The following ATF2 variants were observed in gnomAD, a reference collection of about 807,000 sequenced individuals.
ATF2 encodes the protein cyclic AMP-dependent transcription factor ATF-2.
A neutral mutation model predicts 60.6 loss-of-function variants in ATF2; 24 were observed. The ratio of observed to expected loss-of-function variants is 0.40; its 90% CI spans 0.29 to 0.56. ATF2 has a LOEUF of 0.56. Among genes scored for constraint, ATF2 ranks in the 20% least tolerant of loss-of-function variants. The probability of loss-of-function intolerance (pLI) is 0.54; values close to 1 mark genes in which losing one functional copy is unlikely to be tolerated. For synonymous variants in ATF2, 206 were observed against 215.4 expected (o/e 0.96, Z 0.38); for missense variants, 433 against 607.7 (o/e 0.71, Z 3.02).
At chr2:175,091,450 A>T (rs1414849379) in intron 12 of ATF2, among the ~76,000 whole-genome samples, 4 of 152,184 alleles carry the variant, frequency 2.6e-5, no homozygotes, top group African/African-American at 7.2e-5. Flanking sequence ...ATTCTAACAG[A>T]CTTGATATAA....
chr2:175,145,408 C>T (rs534231867), intron 2 of ATF2, among the ~76,000 whole-genome samples: 1 of 152,286 alleles, frequency 6.6e-6, no homozygotes, highest in South Asian at 2.1e-4. Flanking sequence ...TCTCTTCCTG[C>T]TCCTGCTCTC....
At chr2:175,144,713 C>T (rs956016082) in intron 2 of ATF2, among the ~76,000 whole-genome samples, 1 of 152,028 alleles carries the variant, frequency 6.6e-6, no homozygotes, top group Admixed American at 6.6e-5. Flanking sequence ...GGTGGTCAGC[C>T]CTGCATTTAA....
intron 13 of ATF2, among the ~76,000 whole-genome samples, chr2:175,075,383 A>C (rs574238999): frequency 1.4e-3 from 216 of 152,314 alleles, no homozygotes; most frequent in Non-Finnish European, 2.3e-3. Context: ...CATACATAGG[A>C]GAACAAGCAG....
intron 13 of ATF2, among the ~76,000 whole-genome samples, chr2:175,079,628 T>C (rs1374874087): frequency 6.6e-6 from 1 of 152,170 alleles, no homozygotes; most frequent in African/African-American, 2.4e-5. Context: ...CTACGGAATC[T>C]TTTAAATTAA....
At chr2:175,114,568 C>T (rs212341) in intron 8 of ATF2, 122 bp downstream of exon 8, 120,929 of 1,414,020 alleles carry the variant, frequency 0.086, 5,534 homozygotes, top group Middle Eastern at 0.17. Flanking sequence ...TTCCAAAATT[C>T]GAAGCATGCA....
At chr2:175,124,669 G>GCA (rs1205471121) in intron 4 of ATF2, among the ~76,000 whole-genome samples, 2 of 151,064 alleles carry the variant, frequency 1.3e-5, no homozygotes, top group African/African-American at 4.9e-5. Flanking sequence ...TCTCTCTCAT[G>GCA]CACACACACG....
At chr2:175,077,357 T>C (rs212355) in intron 13 of ATF2, among the ~76,000 whole-genome samples, 39,651 of 152,076 alleles carry the variant, frequency 0.26, 6,108 homozygotes, top group African/African-American at 0.44. Flanking sequence ...GTTCAAGATC[T>C]CTGAGGAATC....
chr2:175,129,620 T>C (rs563618526), intron 4 of ATF2, among the ~76,000 whole-genome samples: 1 of 152,038 alleles, frequency 6.6e-6, no homozygotes, highest in East Asian at 1.9e-4. Context: ...ATAATAGGAA[T>C]AGATTAATAA....
Position 175,077,529 on chromosome 2 carries a change from C to T in ATF2, c.1292-2694G>A, listed in dbSNP as rs117672194. On this transcript the variant is annotated intron_variant, in intron 13 of 13. Coordinates refer to ENST00000264110, the MANE Select transcript of ATF2 (RefSeq NM_001880.4). ...ATTCTTTAAAAGAACAACAGGCTGACGTTTCCCTGAATGTTGAGTTCAAGG... is the reference window on the plus strand; with the variant it reads ...ATTCTTTAAAAGAACAACAGGCTGATGTTTCCCTGAATGTTGAGTTCAAGG... Among the ~76,000 whole-genome samples the T allele has an allele frequency of 6.3e-4, 96 of 152,268 alleles. 1 individual carries two copies. In the South Asian group the frequency reaches 0.011, roughly 17 times the overall value.
At chr2:175,108,556 T>TG (rs1009684157) in intron 10 of ATF2, among the ~76,000 whole-genome samples, 3 of 127,108 alleles carry the variant, frequency 2.4e-5, no homozygotes, top group Admixed American at 1.5e-4. Flanking sequence ...GGGAGGGAGG[T>TG]GGGGGGCGCC....
At chr2:175,097,625 T>G (rs1695020705) in intron 10 of ATF2, 32 bp from the exon 11 acceptor site, 3 of 1,609,828 alleles carry the variant, frequency 1.9e-6, no homozygotes, top group Non-Finnish European at 2.5e-6. Flanking sequence ...AAATTTTTTT[T>G]AAGTCCTTAA....
At chr2:175,113,287 C>G (rs1696328458) in intron 9 of ATF2, among the ~76,000 whole-genome samples, 1 of 138,174 alleles carries the variant, frequency 7.2e-6, no homozygotes, top group Non-Finnish European at 1.6e-5. Context: ...TTTTTTTTGA[C>G]TTGGGGTCTT....
chr2:175,133,149 T>C lies in ATF2; in HGVS notation c.33-2942A>G, dbSNP rs1697867280. Among the ~76,000 whole-genome samples, 4 of 151,662 alleles carry C rather than the reference T, an allele frequency of 2.6e-5. No homozygotes were observed. In the South Asian group the frequency reaches 8.4e-4, roughly 32 times the overall value. Reference sequence around the variant, plus strand: ...AGTGCTTTTATGTATGTGTAGAAACTGAAAAATCTGTAACAAAATGCAAAA... The same window carrying C: ...AGTGCTTTTATGTATGTGTAGAAACCGAAAAATCTGTAACAAAATGCAAAA... On this transcript the variant is annotated intron_variant, in intron 3 of 13. Coordinates refer to ENST00000264110, the MANE Select transcript of ATF2 (RefSeq NM_001880.4).
At chr2:175,098,850 T>A (rs1279710261) in intron 10 of ATF2, among the ~76,000 whole-genome samples, 1 of 152,144 alleles carries the variant, frequency 6.6e-6, no homozygotes, top group Non-Finnish European at 1.5e-5. Flanking sequence ...GCCTATCTTC[T>A]TACTGTCTAT....
At chr2:175,121,994 G>A (rs1350314070) in intron 4 of ATF2, among the ~76,000 whole-genome samples, 1 of 151,632 alleles carries the variant, frequency 6.6e-6, no homozygotes, top group Non-Finnish European at 1.5e-5. Context: ...AAAGTATTAC[G>A]CCTGGACAAA....
chr2:175,100,962 A>G (rs1431393247), intron 10 of ATF2, among the ~76,000 whole-genome samples: 1 of 152,196 alleles, frequency 6.6e-6, no homozygotes, highest in East Asian at 1.9e-4. Context: ...GCAGAAAGTA[A>G]AAAAATTGGC....
intron 1 of ATF2, among the ~76,000 whole-genome samples, chr2:175,154,407 C>G (rs1033033159): frequency 6.6e-6 from 1 of 151,730 alleles, no homozygotes; most frequent in Non-Finnish European, 1.5e-5. Flanking sequence ...CCGTGATCAC[C>G]TATGATAACA....
chr2:175,105,106 T>C (rs374209334), intron 10 of ATF2, among the ~76,000 whole-genome samples: 4 of 152,196 alleles, frequency 2.6e-5, no homozygotes, highest in African/African-American at 4.8e-5. Flanking sequence ...TAGCTTTACA[T>C]GTATATAGCT....
chr2:175,109,103 CCCT>C (rs562001282), intron 10 of ATF2, among the ~76,000 whole-genome samples: 28 of 151,046 alleles, frequency 1.9e-4, no homozygotes, highest in African/African-American at 6.8e-4. Flanking sequence ...TGCTGACCTT[CCCT>C]CCACTATTGT....
Sources: allele counts gnomAD v4.1 joint callset (sites outside exome capture counted in the v4.1 genomes callset), GRCh38; gene constraint gnomAD v4.1.1; transcripts MANE v1.5; gene names NCBI Gene and HGNC (gene_info 2026-07-23, HGNC 2026-07-21).